SUCO: variants seen among roughly 807,000 people sequenced by gnomAD.
SUCO encodes the protein SUN domain-containing ossification factor.
A neutral mutation model predicts 148.1 loss-of-function variants in SUCO; 57 were observed. That is an observed-to-expected ratio of 0.38 (90% confidence interval 0.31 to 0.48). The LOEUF is 0.48. SUCO is among the 20% of genes least tolerant of loss of function. The probability of loss-of-function intolerance (pLI) is 0.96; values close to 1 mark genes in which losing one functional copy is unlikely to be tolerated. For missense variants in SUCO, 1,331 were observed against 1,468.2 expected (o/e 0.91, Z 1.53); for synonymous variants, 470 against 502.7 (o/e 0.93, Z 0.87).
At chr1:172,534,845 C>T (rs1245189886) in intron 1 of SUCO, among the ~76,000 whole-genome samples, 1 of 152,142 alleles carries the variant, frequency 6.6e-6, no homozygotes, top group Non-Finnish European at 1.5e-5. Flanking sequence ...CCTCTTTCTT[C>T]TTGGTCTTGC....
chr1:172,537,088 C>T (rs981614622), intron 1 of SUCO, among the ~76,000 whole-genome samples: 4 of 152,040 alleles, frequency 2.6e-5, no homozygotes, highest in Admixed American at 1.3e-4. Context: ...TCCCTCAGTC[C>T]TGGGCAAACT....
In SUCO at chr1:172,533,492, G is replaced by A; in HGVS notation, c.57G>A (p.Leu19=). The A allele has an allele frequency of 6.4e-7, 1 of 1,554,786 alleles. No individual in the cohort carries two copies. The change falls in exon 1 of 24, where the codon CTG becomes CTA. Residue 19 remains leucine (L), a synonymous_variant. Transcript: ENST00000263688. The part of the protein sequence containing the change: ...ALVSCLFLCS[L]VWLPSWRVCC... ...TCTCCTGCCTCTTTCTGTGCTCTCT[G>A]GTCTGGTGAGTAGCCGCGACGACAA...
At chr1:172,533,782 C>G (rs937566721) in intron 1 of SUCO, among the ~76,000 whole-genome samples, 1 of 152,118 alleles carries the variant, frequency 6.6e-6, no homozygotes, top group Non-Finnish European at 1.5e-5. Flanking sequence ...TCCTCTACCC[C>G]TTGGAGACGG....
intron 9 of SUCO, among the ~76,000 whole-genome samples, chr1:172,571,610 T>C (rs1232075286): frequency 7.3e-6 from 1 of 137,024 alleles, no homozygotes; most frequent in South Asian, 2.5e-4. Flanking sequence ...ATCTAGGAAG[T>C]GAGGAGCGCC....
upstream of SUCO, chr1:172,532,994 T>C: frequency 5.7e-6 from 8 of 1,407,278 alleles, no homozygotes; most frequent in Non-Finnish European, 5.6e-6. Flanking sequence ...CTGGTGGGGG[T>C]GCGGGCGCCG....
Position 172,591,068 on chromosome 1 carries a change from G to A in SUCO, c.2910G>A (p.Glu970=). 1.2e-6 allele frequency: 2 copies of A among 1,609,272 alleles called. No individual in the cohort carries two copies. The highest frequency in any genetic ancestry group is 1.7e-4 in the Middle Eastern group (1 of 5,944). ...AGAATACTTCAAGAATAGCAGAGGA[G>A]CAGGTTGGTTTCTACATCCCTTATT... is the stretch of plus-strand genomic sequence containing the variant. ...KLQNTSRIAE[E]QDQRQTEAIQ... is the part of the protein sequence containing the mutation. The change falls in exon 19 of 24, where the codon GAG becomes GAA. Residue 970 remains glutamate, a synonymous_variant. Coordinates refer to ENST00000263688, the MANE Select transcript of SUCO (RefSeq NM_014283.5).
At chr1:172,542,716 C>G in intron 1 of SUCO, 1 of 985,254 alleles carries the variant, frequency 1.0e-6, no homozygotes, top group African/African-American at 1.7e-5. Context: ...GGTTGGGGAC[C>G]GCTGTCATAG....
At position 172,557,659 on chromosome 1, in the gene SUCO, T is replaced by G; in HGVS notation, c.597T>G (p.His199Gln). The change falls in exon 6 of 24, where the codon CAT becomes CAG. Residue 199 changes from histidine (H) to glutamine (Q), a missense_variant. His to Gln is a conservative substitution (Grantham distance 24). Transcript: ENST00000263688. Reference protein sequence around the residue: ...VSPPDSLVGQHIENVSSSHGK... With the variant: ...VSPPDSLVGQQIENVSSSHGK... ...TTTTAAACAGCCTTGTTGGCCAGCA[T>G]ATAGAAAATGTATCATCTTCACATG... is the stretch of plus-strand genomic sequence containing the variant. 1 of 1,601,282 alleles carries G rather than the reference T, an allele frequency of 6.2e-7. No homozygotes were observed. The highest frequency in any genetic ancestry group is 8.5e-7 in the Non-Finnish European group (1 of 1,176,374).
intron 9 of SUCO, among the ~76,000 whole-genome samples, chr1:172,571,458 T>G (rs1473333031): frequency 2.0e-5 from 3 of 152,060 alleles, no homozygotes; most frequent in East Asian, 2.0e-4. Context: ...GTGCCAAGAT[T>G]GCAGCCTGTG....
intron 1 of SUCO, chr1:172,542,885 G>C (rs1021789468): frequency 8.1e-6 from 8 of 985,278 alleles, no homozygotes; most frequent in Non-Finnish European, 9.6e-6. Flanking sequence ...AAATGTCTTA[G>C]ATAAGTTTGG....
intron 1 of SUCO, among the ~76,000 whole-genome samples, chr1:172,549,453 TA>T (rs907364257): frequency 6.6e-6 from 1 of 151,968 alleles, no homozygotes; most frequent in African/African-American, 2.4e-5. Flanking sequence ...GATAGTATGA[TA>T]AAAAACAATG....
chr1:172,542,732 A>G (rs1394975443), intron 1 of SUCO: 2 of 985,436 alleles, frequency 2.0e-6, no homozygotes, highest in Non-Finnish European at 2.4e-6. Flanking sequence ...CATAGAGGGA[A>G]TCATTTTTGA....
chr1:172,553,960 A>T (rs1273780134), intron 3 of SUCO, among the ~76,000 whole-genome samples: 2 of 152,210 alleles, frequency 1.3e-5, no homozygotes, highest in African/African-American at 4.8e-5. Flanking sequence ...GGTACTGGGG[A>T]TATTTTATCT....
In SUCO at chr1:172,577,099, T is replaced by C. The variant is rs760673611; in HGVS notation, c.1264-440T>C. On this transcript the variant is annotated intron_variant, in intron 11 of 23. Coordinates refer to ENST00000263688, the MANE Select transcript of SUCO (RefSeq NM_014283.5). Reference sequence around the variant, plus strand: ...ATTCCATAATGGACTGTTACCAATATGTATATGTGTAGAATATATATGTAT... The same window carrying C: ...ATTCCATAATGGACTGTTACCAATACGTATATGTGTAGAATATATATGTAT... 8 of 565,576 alleles carry C rather than the reference T, an allele frequency of 1.4e-5. No individual in the cohort carries two copies. In the Admixed American group the frequency reaches 1.9e-4, roughly 14 times the overall value. The allele number at this position is 565,576 out of a possible 1,614,324, so 35.0% of individuals were successfully genotyped here. A position where few individuals can be genotyped will look rare whatever the true frequency, so the allele number is the denominator to read the frequency against.
In SUCO at chr1:172,577,769, G is replaced by A. The variant is rs1485709552; in HGVS notation, c.1290G>A (p.Glu430=). The A allele has an allele frequency of 1.9e-6, 3 of 1,611,662 alleles. No homozygotes were observed. The highest frequency in any genetic ancestry group is 1.7e-5 in the Admixed American group (1 of 59,862). The change falls in exon 13 of 24, where the codon GAG becomes GAA. Residue 430 remains glutamate (E), a synonymous_variant. Transcript: ENST00000263688. The part of the protein sequence containing the change: ...VKMFIKYIKV[E]LLSHFGSEHF... ...TATGTGCTTTTATTCTTTAGGTTGA[G>A]TTGCTATCACATTTTGGATCAGAGC...
chr1:172,607,237 A>G (rs1159847835), intron 22 of SUCO, among the ~76,000 whole-genome samples: 1 of 151,862 alleles, frequency 6.6e-6, no homozygotes, highest in Non-Finnish European at 1.5e-5. Flanking sequence ...AGTTATTTGT[A>G]GGGATAATTT....
At chr1:172,590,046 A>G (rs1656527614) in intron 18 of SUCO, 120 bp downstream of exon 18, 1 of 770,382 alleles carries the variant, frequency 1.3e-6, no homozygotes, top group Non-Finnish European at 1.8e-6. Flanking sequence ...GGTAAGCGCA[A>G]TTTTAGCAAG....
Position 172,555,921 on chromosome 1 carries a change from T to C in SUCO, c.341T>C (p.Val114Ala), listed in dbSNP as rs768904452. The change falls in exon 4 of 24, where the codon GTT becomes GCT. Residue 114 changes from valine to alanine, a missense_variant. Around this residue, in one of 3 missense-constraint regions of SUCO, gnomAD observed 992 missense variants for 1,093.5 expected, o/e 0.91. Transcript: ENST00000263688. ...CCGGTGGTGGAGACACTCCCTACAGTTGATTTGCATGAAGAGTCTTCCAAT... is the reference window on the plus strand; with the variant it reads ...CCGGTGGTGGAGACACTCCCTACAGCTGATTTGCATGAAGAGTCTTCCAAT... ...SPPVVETLPTVDLHEESSNAV... is the reference protein window; with the variant it reads ...SPPVVETLPTADLHEESSNAV... The C allele has an allele frequency of 1.2e-6, 2 of 1,613,042 alleles. No individual in the cohort carries two copies.
At chr1:172,533,640 AC>A in intron 1 of SUCO, 143 bp downstream of exon 1, 1 of 1,074,640 alleles carries the variant, frequency 9.3e-7, no homozygotes, top group Non-Finnish European at 1.3e-6. Context: ...TTACTTCTCG[AC>A]TCTCCATCTG....
Sources: gnomAD v4.1 joint callset for allele counts (sites outside exome capture counted in the v4.1 genomes callset) on GRCh38, gnomAD v4.1.1 for gene constraint, gnomAD v4.1.1 regional missense constraint, MANE v1.5 for transcripts, NCBI Gene and HGNC (gene_info 2026-07-23, HGNC 2026-07-21) for gene names.